PTPRN2: variants seen among roughly 807,000 people sequenced by gnomAD.
PTPRN2 encodes receptor-type tyrosine-protein phosphatase N2.
In PTPRN2, 74 loss-of-function variants were observed where a neutral mutation model predicts 118.8. That is an observed-to-expected ratio of 0.62 (90% confidence interval 0.52 to 0.76). The LOEUF is 0.76. Ranked by LOEUF, PTPRN2 falls within the 30% of genes least tolerant of loss-of-function variation. The probability of loss-of-function intolerance (pLI) is 0.00; values close to 1 mark genes in which losing one functional copy is unlikely to be tolerated. For synonymous variants in PTPRN2, 641 were observed against 608.0 expected (o/e 1.05, Z -0.80); for missense variants, 1,481 against 1,394.4 (o/e 1.06, Z -0.99).
chr7:157,797,578 G>C (rs1445354517), intron 12 of PTPRN2, among the ~76,000 whole-genome samples: 2 of 152,218 alleles, frequency 1.3e-5, no homozygotes. Flanking sequence ...CCAAGGCCCG[G>C]ACGGGAGGCG....
chr7:157,760,377 G>C (rs73165831), intron 12 of PTPRN2, among the ~76,000 whole-genome samples: 1 of 151,734 alleles, frequency 6.6e-6, no homozygotes, highest in African/African-American at 2.4e-5. Context: ...GTGTCCCCAC[G>C]TTCAGCTCTA....
chr7:157,771,466 C>G (rs1391896301), intron 12 of PTPRN2, among the ~76,000 whole-genome samples: 1 of 152,232 alleles, frequency 6.6e-6, no homozygotes, highest in Non-Finnish European at 1.5e-5. Flanking sequence ...GACACTGACA[C>G]CTCTTTGCCA....
In PTPRN2 at chr7:158,362,049, C is replaced by T. The variant is rs564375666; in HGVS notation, c.164-45117G>A. ...CCGTCTGTCTGTCACTCATCCCGTCCCTGCACCTGTGCTACCATCAACCTC... is the reference window on the plus strand; with the variant it reads ...CCGTCTGTCTGTCACTCATCCCGTCTCTGCACCTGTGCTACCATCAACCTC... On this transcript the variant is annotated intron_variant, in intron 2 of 22. Transcript: ENST00000389418. 5.3e-5 allele frequency among the ~76,000 whole-genome samples: 8 copies of T among 152,336 alleles called. No homozygotes were observed. The South Asian group carries it at 1.7e-3, about 32-fold the overall frequency.
chr7:158,272,534 C>A (rs1300982528), intron 3 of PTPRN2, among the ~76,000 whole-genome samples: 1 of 152,172 alleles, frequency 6.6e-6, no homozygotes, highest in African/African-American at 2.4e-5. Context: ...CTTCCACATC[C>A]CCTCACTCTC....
chr7:158,071,570 GGTGGAGGTGCTCC>G (rs1811701361), intron 11 of PTPRN2, among the ~76,000 whole-genome samples: 5 of 30,630 alleles, frequency 1.6e-4, no homozygotes, highest in South Asian at 1.7e-3. Flanking sequence ...AGGTGCTCCT[GGTGGAGGTGCTCC>G]TGGTGGAGGT....
At chr7:157,842,656 G>A (rs546367161) in intron 12 of PTPRN2, among the ~76,000 whole-genome samples, 36 of 152,022 alleles carry the variant, frequency 2.4e-4, no homozygotes, top group East Asian at 1.7e-3. Context: ...CTTGTGATTC[G>A]CCCACCTCAG....
At chr7:158,211,772 T>C (rs1563609963) in intron 3 of PTPRN2, among the ~76,000 whole-genome samples, 1 of 152,180 alleles carries the variant, frequency 6.6e-6, no homozygotes, top group East Asian at 1.9e-4. Flanking sequence ...GTTGGTAGAA[T>C]TGTAAATTAG....
chr7:158,089,660 A>G (rs866093107), intron 10 of PTPRN2, among the ~76,000 whole-genome samples: 11 of 136,990 alleles, frequency 8.0e-5, no homozygotes, highest in South Asian at 7.0e-4. Context: ...TGAAAGGGGG[A>G]GTCTTCACAC....
At chr7:158,128,261 T>A (rs927221757) in intron 9 of PTPRN2, among the ~76,000 whole-genome samples, 1 of 152,198 alleles carries the variant, frequency 6.6e-6, no homozygotes, top group African/African-American at 2.4e-5. Flanking sequence ...TCAATCTCCT[T>A]GCAAGAAGAG....
In PTPRN2 at chr7:158,115,561, G is replaced by A. The variant is rs145202094; in HGVS notation, c.1557-4646C>T. Among the ~76,000 whole-genome samples, 33 of 152,138 alleles carry A rather than the reference G, an allele frequency of 2.2e-4. No individual in the cohort carries two copies. The East Asian group carries it at 5.8e-3, about 27-fold the overall frequency. On this transcript the variant is annotated intron_variant, in intron 9 of 22. Transcript: ENST00000389418. Reference sequence around the variant, plus strand: ...GGGAGGTGGTCAGGTCATGAGGGTGGAGTCTCCTAATGAGATCAGTGCCCT... The same window carrying A: ...GGGAGGTGGTCAGGTCATGAGGGTGAAGTCTCCTAATGAGATCAGTGCCCT...
At chr7:158,493,118 T>C (rs932048758) in intron 1 of PTPRN2, among the ~76,000 whole-genome samples, 7 of 152,248 alleles carry the variant, frequency 4.6e-5, no homozygotes, top group African/African-American at 1.7e-4. Flanking sequence ...GCTCCTCTGC[T>C]GAACCCTATA....
chr7:158,027,619 C>A (rs1807378151), intron 11 of PTPRN2: 1 of 152,220 alleles, frequency 6.6e-6, no homozygotes, highest in African/African-American at 2.4e-5. Flanking sequence ...TTTTTCACTC[C>A]CATATTTTCA....
At chr7:158,189,092 C>A (rs1197770091) in intron 5 of PTPRN2, among the ~76,000 whole-genome samples, 8 of 152,190 alleles carry the variant, frequency 5.3e-5, no homozygotes, top group African/African-American at 1.7e-4. Context: ...CCCAATGGCT[C>A]ATAGCACGAA....
At chr7:157,738,696 G>A (rs1166199002) in intron 12 of PTPRN2, among the ~76,000 whole-genome samples, 1 of 152,204 alleles carries the variant, frequency 6.6e-6, no homozygotes, top group Non-Finnish European at 1.5e-5. Context: ...CTGTGCTGTT[G>A]TTTCTGGATA....
chr7:158,164,858 A>C (rs930847553), intron 6 of PTPRN2, among the ~76,000 whole-genome samples: 1 of 152,186 alleles, frequency 6.6e-6, no homozygotes, highest in African/African-American at 2.4e-5. Context: ...GGCTGAGATG[A>C]GAAGCTGAAG....
At chr7:158,238,089 G>T (rs1219737190) in intron 3 of PTPRN2, among the ~76,000 whole-genome samples, 2 of 152,140 alleles carry the variant, frequency 1.3e-5, no homozygotes, top group African/African-American at 4.8e-5. Context: ...CCTCCTGCTG[G>T]GAACGTCCGC....
At chr7:158,522,986 A>G (rs1824324862) in intron 1 of PTPRN2, among the ~76,000 whole-genome samples, 1 of 152,250 alleles carries the variant, frequency 6.6e-6, no homozygotes, top group Non-Finnish European at 1.5e-5. Flanking sequence ...TGGGAATTTC[A>G]AGAATAGCCA....
chr7:158,429,007 C>G (rs747479947), intron 2 of PTPRN2, among the ~76,000 whole-genome samples: 4 of 152,186 alleles, frequency 2.6e-5, no homozygotes, highest in Non-Finnish European at 5.9e-5. Context: ...CCTGTGGGCA[C>G]GTGGCGGGTT....
At chr7:158,058,507 C>T (rs1255630183) in intron 11 of PTPRN2, among the ~76,000 whole-genome samples, 4 of 80,620 alleles carry the variant, frequency 5.0e-5, no homozygotes, top group African/African-American at 6.3e-5. Context: ...CATCTGCACA[C>T]GGTGAGACAT....
Sources: allele counts gnomAD v4.1 joint callset (sites outside exome capture counted in the v4.1 genomes callset), GRCh38; gene constraint gnomAD v4.1.1; transcripts MANE v1.5; gene names NCBI Gene and HGNC (gene_info 2026-07-23, HGNC 2026-07-21).